EIF2AK4: variants seen among roughly 807,000 people sequenced by gnomAD.
EIF2AK4 encodes eukaryotic translation initiation factor 2 alpha kinase 4.
EIF2AK4 carries 139 observed loss-of-function variants against 211.1 expected under a neutral mutation model. The ratio of observed to expected loss-of-function variants is 0.66; its 90% CI spans 0.57 to 0.76. The LOEUF is 0.76. Ranked by LOEUF, EIF2AK4 falls within the 30% of genes least tolerant of loss-of-function variation. The pLI, the probability that EIF2AK4 is intolerant of heterozygous loss-of-function variation, is 0.00. For missense variants in EIF2AK4, 1,664 were observed against 2,043.8 expected (o/e 0.81, Z 3.58); for synonymous variants, 710 against 751.3 (o/e 0.94, Z 0.90).
intron 13 of EIF2AK4, 189 bp downstream of exon 13, chr15:39,978,336 A>G (rs2140919950): frequency 3.0e-6 from 1 of 331,620 alleles, no homozygotes; most frequent in East Asian, 4.6e-5. Flanking sequence ...TTATTTATCC[A>G]CATAGTAAAA....
At chr15:39,963,791 A>G (rs575028788) in intron 7 of EIF2AK4, among the ~76,000 whole-genome samples, 3 of 152,262 alleles carry the variant, frequency 2.0e-5, no homozygotes, top group African/African-American at 7.2e-5. Context: ...TATTCCCATC[A>G]TGAAAAACTG....
Position 39,978,102 on chromosome 15 carries a change from T to C in EIF2AK4, c.2274T>C (p.Asp758=). The change falls in exon 13 of 39, where the codon GAT becomes GAC. Residue 758 remains aspartate, a synonymous_variant. Transcript: ENST00000263791. ...SFLPASDSES[D]IIFDNEDENS... is the part of the protein sequence containing the mutation. ...GGCCTGCTTCAGATTCTGAAAGTGA[T>C]ATTATCTTTGACAATGAAGATGAGA... is the stretch of plus-strand genomic sequence containing the variant. 6.3e-7 allele frequency: 1 copy of C among 1,596,684 alleles called. No individual in the cohort carries two copies. The highest frequency in any genetic ancestry group is 8.6e-7 in the Non-Finnish European group (1 of 1,168,448).
chr15:39,983,396 G>A lies in EIF2AK4; in HGVS notation c.2320-2409G>A, dbSNP rs561409865. Among the ~76,000 whole-genome samples the A allele has an allele frequency of 4.7e-5, 7 of 150,098 alleles. No individual in the cohort carries two copies. In the South Asian group the frequency reaches 8.4e-4, roughly 18 times the overall value. On this transcript the variant is annotated intron_variant, in intron 13 of 38. Transcript: ENST00000263791. ...CTTTTGCCCACTTTTTGATGGAGTTGTTTTTTTCTTGTAAATTTGTTTAAG... is the reference window on the plus strand; with the variant it reads ...CTTTTGCCCACTTTTTGATGGAGTTATTTTTTTCTTGTAAATTTGTTTAAG...
chr15:39,967,199 A>G, intron 8 of EIF2AK4, 145 bp from the exon 9 acceptor site: 1 of 901,766 alleles, frequency 1.1e-6, no homozygotes, highest in Non-Finnish European at 1.6e-6. Context: ...TTGAAAGTAT[A>G]TTTTCTATCA....
intron 23 of EIF2AK4, among the ~76,000 whole-genome samples, 161 bp from the exon 24 acceptor site, chr15:40,006,855 G>A (rs573916296): frequency 1.3e-5 from 2 of 152,308 alleles, no homozygotes; most frequent in Admixed American, 1.3e-4. Context: ...CAGGGAGTGT[G>A]AGTGGTGAGC....
chr15:39,966,280 G>A (rs2034542528), intron 8 of EIF2AK4, among the ~76,000 whole-genome samples: 1 of 151,498 alleles, frequency 6.6e-6, no homozygotes, highest in Non-Finnish European at 1.5e-5. Flanking sequence ...GACCAGTCTG[G>A]GCAACATGGT....
intron 32 of EIF2AK4, among the ~76,000 whole-genome samples, chr15:40,023,995 CAACTATG>C (rs1489994244): frequency 6.6e-6 from 1 of 152,154 alleles, no homozygotes; most frequent in African/African-American, 2.4e-5. Context: ...TGTGTGACTC[CAACTATG>C]TATGGCCCTC....
chr15:40,033,767 C>G (rs1266436056), intron 37 of EIF2AK4, among the ~76,000 whole-genome samples: 1 of 152,230 alleles, frequency 6.6e-6, no homozygotes, highest in African/African-American at 2.4e-5. Context: ...TGGCTCACGC[C>G]TGTAATCCCA....
intron 3 of EIF2AK4, among the ~76,000 whole-genome samples, chr15:39,944,725 A>G (rs917057314): frequency 3.9e-5 from 6 of 151,976 alleles, no homozygotes; most frequent in South Asian, 4.2e-4. Flanking sequence ...GAGCCACCGC[A>G]CCCGGCCAAC....
chr15:39,958,605 G>T (rs1483139232), intron 6 of EIF2AK4, among the ~76,000 whole-genome samples: 2 of 152,150 alleles, frequency 1.3e-5, no homozygotes, highest in Non-Finnish European at 2.9e-5. Context: ...TTCCATGGAG[G>T]CATAGACTGG....
chr15:39,985,419 A>G (rs975479662), intron 13 of EIF2AK4, among the ~76,000 whole-genome samples: 7 of 152,156 alleles, frequency 4.6e-5, no homozygotes, highest in African/African-American at 7.2e-5. Context: ...TTTAAAAGGA[A>G]TGGTACCAGC....
At chr15:40,012,520 TAC>T (rs2035247762) in intron 27 of EIF2AK4, among the ~76,000 whole-genome samples, 1 of 152,226 alleles carries the variant, frequency 6.6e-6, no homozygotes, top group South Asian at 2.1e-4. Context: ...TCTAAACATG[TAC>T]ACAGCACACA....
intron 16 of EIF2AK4, 144 bp from the exon 17 acceptor site, chr15:39,992,031 G>A: frequency 1.3e-6 from 1 of 763,822 alleles, no homozygotes; most frequent in African/African-American, 1.7e-5. Context: ...AACTAAACTA[G>A]AAAAAAAATT....
chr15:39,992,400 A>G, intron 17 of EIF2AK4, 171 bp downstream of exon 17: 1 of 564,850 alleles, frequency 1.8e-6, no homozygotes, highest in Non-Finnish European at 3.0e-6. Context: ...TCAATTTATG[A>G]ATTATTCTTT....
chr15:40,028,226 C>T (rs1363542778), intron 33 of EIF2AK4, among the ~76,000 whole-genome samples: 1 of 152,118 alleles, frequency 6.6e-6, no homozygotes, highest in African/African-American at 2.4e-5. Flanking sequence ...TCATGTACCA[C>T]CTTGTCCAGC....
At chr15:39,935,587 T>C in intron 1 of EIF2AK4, among the ~76,000 whole-genome samples, 1 of 152,138 alleles carries the variant, frequency 6.6e-6, no homozygotes, top group Non-Finnish European at 1.5e-5. Flanking sequence ...CACCTTGGCC[T>C]CTGAAAGTGC....
intron 34 of EIF2AK4, 94 bp from the exon 35 acceptor site, chr15:40,030,265 G>T: frequency 8.1e-7 from 1 of 1,230,848 alleles, no homozygotes; most frequent in South Asian, 1.3e-5. Context: ...ATCACGACAG[G>T]ATGTCTACTA....
At chr15:39,938,389 A>G (rs1421057345) in intron 1 of EIF2AK4, among the ~76,000 whole-genome samples, 1 of 152,272 alleles carries the variant, frequency 6.6e-6, no homozygotes. Context: ...ATAAAGCCAT[A>G]TAAGAACTGA....
chr15:39,997,444 T>C (rs941991589), intron 19 of EIF2AK4, among the ~76,000 whole-genome samples: 6 of 152,162 alleles, frequency 3.9e-5, no homozygotes, highest in South Asian at 2.1e-4. Context: ...CCTGGAGAAA[T>C]TGCTAGGTTA....
Sources: gnomAD v4.1 joint callset for allele counts (sites outside exome capture counted in the v4.1 genomes callset) on GRCh38, gnomAD v4.1.1 for gene constraint, MANE v1.5 for transcripts, NCBI Gene and HGNC (gene_info 2026-07-23, HGNC 2026-07-21) for gene names.